Variants in UGGT2 observed in about 807,000 individuals in gnomAD.
UGGT2 encodes the protein UDP-glucose glycoprotein glucosyltransferase 2.
In UGGT2, 180 loss-of-function variants were observed where a neutral mutation model predicts 192.1. That is an observed-to-expected ratio of 0.94 (90% CI 0.83 to 1.06). The LOEUF (loss-of-function observed/expected upper bound fraction) is 1.06, where lower values mean the gene tolerates loss of function less well. Among genes scored for constraint, UGGT2 ranks in the 50% least tolerant of loss-of-function variants. The pLI, the probability that UGGT2 is intolerant of heterozygous loss-of-function variation, is 0.00. For missense variants in UGGT2, 1,849 were observed against 1,795.7 expected, an observed-to-expected ratio of 1.03 and a Z score of -0.54; for synonymous variants, 580 against 591.0, an observed-to-expected ratio of 0.98 and a Z score of 0.27.
chr13:96,031,960 G>A lies in UGGT2; in HGVS notation c.170C>T (p.Ala57Val). ...CCAAAATTTTTCATTACTTTCTTCT[G>A]CCATAAATTCACTATTAAAAAAATA... Reference protein sequence around the residue: ...PLLLEASEFMAEESNEKFWQF... With the variant: ...PLLLEASEFMVEESNEKFWQF... Residue 57 changes from alanine (A) to valine (V), a missense_variant, in exon 2 of 39, where the codon GCA becomes GTA. By Grantham distance (64) the Ala-to-Val change is moderately conservative. Coordinates refer to ENST00000376747, the MANE Select transcript of UGGT2 (RefSeq NM_020121.4). 1 of 1,608,016 alleles carries A rather than the reference G, an allele frequency of 6.2e-7. No homozygotes were observed.
chr13:95,819,481 T>TAC (rs1279683475), intron 38 of UGGT2, among the ~76,000 whole-genome samples: 26 of 147,368 alleles, frequency 1.8e-4, no homozygotes, highest in African/African-American at 4.9e-4. Context: ...ACCTTATATA[T>TAC]ACACACACAC....
intron 9 of UGGT2, among the ~76,000 whole-genome samples, chr13:95,984,088 G>A (rs2051214750): frequency 6.6e-6 from 1 of 152,156 alleles, no homozygotes; most frequent in Non-Finnish European, 1.5e-5. Context: ...CTAGCTGTAT[G>A]CAGTATGGAT....
rs749659936 is a variant in UGGT2, at chr13:95,925,692, T to G, written c.2283A>C (p.Ala761=). The G allele has an allele frequency of 1.9e-6, 3 of 1,558,808 alleles. No homozygotes were observed. Among genetic ancestry groups the G allele is most frequent in the Non-Finnish European group, 1.7e-6 (2 of 1,149,222 alleles). The change falls in exon 20 of 39, where the codon GCA becomes GCC. Residue 761 remains alanine, a synonymous_variant. Transcript: ENST00000376747. Reference sequence around the variant, plus strand: ...TCTAGGTACTCACCATGTGCTTTAATGCATTAAAAAGAAGTTTTCTCCCAG... The same window carrying G: ...TCTAGGTACTCACCATGTGCTTTAAGGCATTAAAAAGAAGTTTTCTCCCAG... ...KPSGRKLLFN[A]LKHMKTSVHS... is the part of the protein sequence containing the mutation.
chr13:95,860,590 CGT>C (rs571787962), intron 32 of UGGT2, among the ~76,000 whole-genome samples, 196 bp downstream of exon 32: 3 of 148,592 alleles, frequency 2.0e-5, no homozygotes, highest in Non-Finnish European at 3.0e-5. Flanking sequence ...TATATATTTA[CGT>C]GTGTGTGTGT....
chr13:95,883,572 T>C (rs1411347834), intron 27 of UGGT2, among the ~76,000 whole-genome samples: 3 of 152,084 alleles, frequency 2.0e-5, no homozygotes, highest in African/African-American at 2.4e-5. Flanking sequence ...TAGTGAATAC[T>C]CATGAGGTCT....
intron 15 of UGGT2, among the ~76,000 whole-genome samples, chr13:95,941,944 G>A (rs2049694941): frequency 6.6e-6 from 1 of 152,054 alleles, no homozygotes; most frequent in African/African-American, 2.4e-5. Flanking sequence ...GAATTCTAGA[G>A]TTTTATGCGA....
At chr13:95,968,398 T>G (rs557320429) in intron 12 of UGGT2, among the ~76,000 whole-genome samples, 18 of 152,296 alleles carry the variant, frequency 1.2e-4, no homozygotes, top group Middle Eastern at 3.4e-3. Context: ...TATGTATATG[T>G]GCTGATATAA....
intron 15 of UGGT2, 51 bp downstream of exon 15, chr13:95,946,986 A>G: frequency 6.8e-7 from 1 of 1,464,526 alleles, no homozygotes; most frequent in Non-Finnish European, 9.1e-7. Context: ...ATAATATAGT[A>G]ATGCAAGAAT....
At chr13:96,028,861 T>C (rs990287393) in intron 2 of UGGT2, among the ~76,000 whole-genome samples, 4 of 152,052 alleles carry the variant, frequency 2.6e-5, no homozygotes, top group Admixed American at 6.5e-5. Flanking sequence ...ATCTGCTCAT[T>C]AGGCCGGGCA....
At chr13:96,016,103 A>G (rs1321870353) in intron 4 of UGGT2, among the ~76,000 whole-genome samples, 2 of 152,244 alleles carry the variant, frequency 1.3e-5, no homozygotes. Context: ...GTATTCAAGA[A>G]GTGGCCTGGC....
chr13:95,977,145 G>T (rs1329481177), intron 10 of UGGT2, among the ~76,000 whole-genome samples: 2 of 152,170 alleles, frequency 1.3e-5, no homozygotes, highest in Admixed American at 1.3e-4. Context: ...CATGGGCAAA[G>T]ACTTCATGAC....
At chr13:95,981,558 A>G (rs1309190408) in intron 10 of UGGT2, among the ~76,000 whole-genome samples, 2 of 152,310 alleles carry the variant, frequency 1.3e-5, no homozygotes, top group Middle Eastern at 3.4e-3. Flanking sequence ...AAATCCTTAA[A>G]AAGTGTAATT....
chr13:96,009,723 G>A (rs1335283891), intron 5 of UGGT2, among the ~76,000 whole-genome samples: 1 of 152,150 alleles, frequency 6.6e-6, no homozygotes, highest in Non-Finnish European at 1.5e-5. Context: ...CAGGAGAATT[G>A]CTTGAACCCA....
intron 29 of UGGT2, chr13:95,876,839 G>T (rs939979764): frequency 8.3e-4 from 120 of 145,378 alleles, no homozygotes; most frequent in Non-Finnish European, 1.6e-3. Context: ...GTCCTGTTTT[G>T]CCCTCTTGCT....
intron 7 of UGGT2, among the ~76,000 whole-genome samples, chr13:95,993,743 G>A (rs1178740294): frequency 6.6e-6 from 1 of 152,034 alleles, no homozygotes; most frequent in Non-Finnish European, 1.5e-5. Flanking sequence ...ATCACCAGGA[G>A]AACCACCCTG....
intron 36 of UGGT2, among the ~76,000 whole-genome samples, chr13:95,839,649 T>A (rs562408417): frequency 2.6e-5 from 4 of 152,320 alleles, no homozygotes; most frequent in African/African-American, 9.6e-5. Context: ...CTTGGGTATA[T>A]ATCTAGGAGT....
intron 2 of UGGT2, among the ~76,000 whole-genome samples, chr13:96,030,247 T>C (rs1453403223): frequency 1.3e-5 from 2 of 152,208 alleles, no homozygotes; most frequent in Non-Finnish European, 2.9e-5. Flanking sequence ...GGTGCCTCTT[T>C]TATGTGTTTT....
At chr13:95,866,860 C>A (rs1044043277) in intron 30 of UGGT2, among the ~76,000 whole-genome samples, 2 of 151,680 alleles carry the variant, frequency 1.3e-5, no homozygotes, top group African/African-American at 2.4e-5. Context: ...CCTTATTATC[C>A]TTATTATCTT....
chr13:95,825,816 G>A (rs1885979162), intron 38 of UGGT2, among the ~76,000 whole-genome samples: 1 of 152,156 alleles, frequency 6.6e-6, no homozygotes, highest in South Asian at 2.1e-4. Flanking sequence ...CCAGCAGAAA[G>A]ATCTGGGACT....
Sources: gnomAD v4.1 joint callset for allele counts (sites outside exome capture counted in the v4.1 genomes callset) on GRCh38, gnomAD v4.1.1 for gene constraint, MANE v1.5 for transcripts, NCBI Gene and HGNC (gene_info 2026-07-23, HGNC 2026-07-21) for gene names.